HDAC4: variants seen among roughly 807,000 people sequenced by gnomAD.
HDAC4 encodes the protein histone deacetylase A.
Under a neutral mutation model 135.1 loss-of-function variants are expected in HDAC4, and 16 were observed. That is an observed-to-expected ratio of 0.12 (90% CI 0.08 to 0.18). The LOEUF (loss-of-function observed/expected upper bound fraction) is 0.18. Among genes scored for constraint, HDAC4 ranks in the 10% least tolerant of loss-of-function variants. The pLI is 1.00. For missense variants in HDAC4, 1,143 were observed against 1,511.8 expected (o/e 0.76, Z 4.05); for synonymous variants, 685 against 653.4 (o/e 1.05, Z -0.74).
intron 5 of HDAC4, among the ~76,000 whole-genome samples, chr2:239,176,185 G>A (rs28600287): frequency 5.3e-5 from 8 of 150,526 alleles, no homozygotes; most frequent in East Asian, 3.9e-4. Flanking sequence ...CCCTCTGCCC[G>A]GCCTCCCTCC....
intron 13 of HDAC4, among the ~76,000 whole-genome samples, chr2:239,114,379 T>C (rs1299406599): frequency 6.6e-6 from 1 of 152,180 alleles, no homozygotes; most frequent in Non-Finnish European, 1.5e-5. Flanking sequence ...GCTTCCTGCC[T>C]ACAGGGAGGA....
At chr2:239,326,993 A>C (rs1204923958) in intron 2 of HDAC4, among the ~76,000 whole-genome samples, 1 of 152,234 alleles carries the variant, frequency 6.6e-6, no homozygotes, top group Admixed American at 6.5e-5. Flanking sequence ...CAGGCATGAG[A>C]GGCACAGTCT....
At chr2:239,393,779 G>T (rs1216536048) in intron 1 of HDAC4, among the ~76,000 whole-genome samples, 1 of 152,142 alleles carries the variant, frequency 6.6e-6, no homozygotes, top group Non-Finnish European at 1.5e-5. Context: ...CCTCTTGTGG[G>T]CAGAGGCCAG....
chr2:239,283,824 G>A (rs995669789), intron 2 of HDAC4, among the ~76,000 whole-genome samples: 3 of 152,208 alleles, frequency 2.0e-5, no homozygotes, highest in African/African-American at 4.8e-5. Flanking sequence ...GCAGGCTGTC[G>A]GGAGTTAGGA....
At chr2:239,304,350 G>A (rs1350932770) in intron 2 of HDAC4, among the ~76,000 whole-genome samples, 2 of 152,198 alleles carry the variant, frequency 1.3e-5, no homozygotes, top group African/African-American at 4.8e-5. Context: ...GATAAGCCGT[G>A]TAAACACCAG....
chr2:239,293,628 C>T (rs1160445762), intron 2 of HDAC4, among the ~76,000 whole-genome samples: 2 of 152,190 alleles, frequency 1.3e-5, no homozygotes, highest in South Asian at 2.1e-4. Context: ...CCCAGACCAA[C>T]GCACAGGGCA....
chr2:239,333,913 C>T (rs1051810367), intron 2 of HDAC4, among the ~76,000 whole-genome samples: 3 of 152,114 alleles, frequency 2.0e-5, no homozygotes, highest in African/African-American at 7.2e-5. Flanking sequence ...GACATAGATG[C>T]CTACTACTAC....
At chr2:239,094,340 A>T in intron 17 of HDAC4, 1 of 985,434 alleles carries the variant, frequency 1.0e-6, no homozygotes, top group Non-Finnish European at 1.2e-6. Flanking sequence ...TCCTGTGTGG[A>T]CGGATGGGCA....
chr2:239,243,530 G>A (rs2048310211), intron 2 of HDAC4, among the ~76,000 whole-genome samples: 1 of 152,144 alleles, frequency 6.6e-6, no homozygotes, highest in African/African-American at 2.4e-5. Context: ...TGTGACTCAA[G>A]AGTAGTATAG....
chr2:239,303,069 C>T lies in HDAC4; in HGVS notation c.22+49609G>A, dbSNP rs769855909. 3.3e-5 allele frequency among the ~76,000 whole-genome samples: 5 copies of T among 152,168 alleles called. No homozygotes were observed. The highest frequency in any genetic ancestry group is 7.4e-5 in the Non-Finnish European group (5 of 68,024). On this transcript the variant is annotated intron_variant, in intron 2 of 26. Coordinates refer to ENST00000543185, the MANE Select transcript of HDAC4 (RefSeq NM_001378414.1). The surrounding 1 kb of genome is among the most constrained non-coding windows in gnomAD (Gnocchi z 5.1). ...CCCCCCCGGGTGGGAGAGGTCATCA[C>T]CTCCGCGTACTGAACAGAAGCCCAG...
At chr2:239,318,892 C>G (rs758946945) in intron 2 of HDAC4, among the ~76,000 whole-genome samples, 1 of 152,118 alleles carries the variant, frequency 6.6e-6, no homozygotes, top group Non-Finnish European at 1.5e-5. Context: ...AAAACGCTTA[C>G]AAAAATGTAG....
intron 1 of HDAC4, among the ~76,000 whole-genome samples, chr2:239,357,792 G>A (rs1693598034): frequency 6.7e-6 from 1 of 150,228 alleles, no homozygotes; most frequent in Admixed American, 6.6e-5. Flanking sequence ...GGGAGGCTGA[G>A]GTGGGAGGAT....
chr2:239,071,712 C>A (rs972705876), intron 22 of HDAC4, among the ~76,000 whole-genome samples: 1 of 152,330 alleles, frequency 6.6e-6, no homozygotes, highest in Non-Finnish European at 1.5e-5. Context: ...TTATGACACT[C>A]AGGACCCTGA....
intron 15 of HDAC4, among the ~76,000 whole-genome samples, chr2:239,103,834 T>A (rs892540884): frequency 6.6e-6 from 1 of 152,220 alleles, no homozygotes; most frequent in Admixed American, 6.5e-5. Flanking sequence ...CACACAGCCT[T>A]CCTGCAGGAC....
intron 2 of HDAC4, among the ~76,000 whole-genome samples, chr2:239,261,225 G>A (rs965300572): frequency 5.3e-5 from 8 of 152,208 alleles, no homozygotes; most frequent in Non-Finnish European, 7.3e-5. Context: ...ATCAAGAAAC[G>A]TGCAGGTGAG....
rs979851797 is a variant in HDAC4 at position 239,366,487 on chromosome 2, A to G, written c.-219-13569T>C. Among the ~76,000 whole-genome samples, 4 of 152,370 alleles carry G rather than the reference A, an allele frequency of 2.6e-5. No individual in the cohort carries two copies. In the East Asian group the frequency reaches 5.8e-4, roughly 22 times the overall value. On this transcript the variant is annotated intron_variant, in intron 1 of 26. Coordinates refer to ENST00000543185, the MANE Select transcript of HDAC4 (RefSeq NM_001378414.1). ...GTGTTTATTGCCAGTCTGCGTAAGC[A>G]TAAGAGTGGATAAAGATCCACATTC...
intron 24 of HDAC4, among the ~76,000 whole-genome samples, chr2:239,060,323 C>T (rs2032494684): frequency 6.6e-6 from 1 of 152,222 alleles, no homozygotes; most frequent in Non-Finnish European, 1.5e-5. Flanking sequence ...ACAGGCTGGT[C>T]ACCAATGTGT....
intron 2 of HDAC4, among the ~76,000 whole-genome samples, chr2:239,300,518 A>G (rs1345983793): frequency 6.6e-6 from 1 of 152,110 alleles, no homozygotes; most frequent in African/African-American, 2.4e-5. Flanking sequence ...AGGACCAAGG[A>G]GGCCTCTTCT....
intron 2 of HDAC4, among the ~76,000 whole-genome samples, chr2:239,249,852 T>C (rs1366177515): frequency 2.0e-5 from 3 of 152,078 alleles, no homozygotes; most frequent in South Asian, 2.1e-4. Context: ...GGAAAGAATG[T>C]GCACAAAATA....
Sources: allele counts gnomAD v4.1 joint callset (sites outside exome capture counted in the v4.1 genomes callset), GRCh38; gene constraint gnomAD v4.1.1; non-coding constraint Gnocchi (gnomAD v3.1); transcripts MANE v1.5; gene names NCBI Gene and HGNC (gene_info 2026-07-23, HGNC 2026-07-21).